Variants in AK2 observed in about 807,000 individuals in gnomAD.
AK2 encodes adenylate kinase 2, mitochondrial.
Under a neutral mutation model 24.6 loss-of-function variants are expected in AK2, and 15 were observed. The ratio of observed to expected loss-of-function variants is 0.61; its 90% CI spans 0.41 to 0.94. The LOEUF is 0.94. AK2 is among the 40% of genes least tolerant of loss of function. The probability of loss-of-function intolerance (pLI) is 0.00; values close to 1 mark genes in which losing one functional copy is unlikely to be tolerated. For synonymous variants in AK2, 102 were observed against 114.0 expected, an observed-to-expected ratio of 0.90 and a Z score of 0.67; for missense variants, 257 against 304.1, an observed-to-expected ratio of 0.85 and a Z score of 1.15.
At position 33,012,685 on chromosome 1, in the gene AK2, C is replaced by T. The variant is rs1439595821; in HGVS notation, c.*496G>A. 2 of 1,236,430 alleles carry T rather than the reference C, an allele frequency of 1.6e-6. No homozygotes were observed. Among genetic ancestry groups the T allele is most frequent in the Non-Finnish European group, 1.1e-6 (1 of 943,184 alleles). The allele number at this position is 1,236,430 out of a possible 1,614,324, so 76.6% of individuals were successfully genotyped here. A position where few individuals can be genotyped will look rare whatever the true frequency, so the allele number is the denominator to read the frequency against. ...GCCAAGGTGGGTGGATTGCTTAAGC[C>T]TAGGAGTTCAAGACCAGCCTGGGCA... On this transcript the variant is annotated 3_prime_UTR_variant, in exon 6 of 6. Transcript: ENST00000672715.
chr1:33,014,519 T>C lies in AK2; in HGVS notation c.498+3A>G, dbSNP rs1422292514. On this transcript the variant is annotated splice_donor_region_variant and intron_variant, in intron 5 of 5. Coordinates refer to ENST00000672715, the MANE Select transcript of AK2 (RefSeq NM_001625.4). Reference sequence around the variant, plus strand: ...GGAAATTTTTTGTCCTGAGTTTACATACGTCATCTTTCATGGGCTCTTTTG... The same window carrying C: ...GGAAATTTTTTGTCCTGAGTTTACACACGTCATCTTTCATGGGCTCTTTTG... 5 of 1,611,310 alleles carry C rather than the reference T, an allele frequency of 3.1e-6. No homozygotes were observed. The South Asian group carries it at 4.4e-5, about 14-fold the overall frequency.
Position 33,011,092 on chromosome 1 carries a change from T to C in AK2, c.*2089A>G. ...TTATGGGCAGCCCAAATATTACTTG[T>C]ACATGTTGTATGCACACGTGAATCT... On this transcript the variant is annotated 3_prime_UTR_variant, in exon 6 of 6. Transcript: ENST00000672715. 7.0e-7 allele frequency: 1 copy of C among 1,438,468 alleles called. No individual in the cohort carries two copies. The highest frequency in any genetic ancestry group is 9.1e-7 in the Non-Finnish European group (1 of 1,101,520). The allele number at this position is 1,438,468 out of a possible 1,614,324, so 89.1% of individuals were successfully genotyped here.
At chr1:33,021,320 G>C (rs763106793) in intron 4 of AK2, 47 bp downstream of exon 4, 38 of 1,503,466 alleles carry the variant, frequency 2.5e-5, no homozygotes, top group Non-Finnish European at 3.5e-5. Context: ...CTCAGAGTTT[G>C]AGAAAGCTCT....
intron 1 of AK2, among the ~76,000 whole-genome samples, chr1:33,025,639 C>T (rs1400281024): frequency 1.3e-5 from 2 of 152,220 alleles, no homozygotes; most frequent in African/African-American, 2.4e-5. Context: ...GAGAGTTAAA[C>T]TGCTGGTTTG....
intron 1 of AK2, among the ~76,000 whole-genome samples, chr1:33,035,213 C>G (rs541081592): frequency 6.6e-6 from 1 of 152,194 alleles, no homozygotes; most frequent in African/African-American, 2.4e-5. Flanking sequence ...GGATCAGGTA[C>G]AGGTAAGCTC....
intron 2 of AK2, 38 bp downstream of exon 2, chr1:33,024,404 T>C (rs1416974039): frequency 1.2e-6 from 2 of 1,612,276 alleles, no homozygotes; most frequent in African/African-American, 2.7e-5. Context: ...ATCTAGATTC[T>C]GAGGAATATC....
At chr1:33,025,188 C>CAAAAAA (rs386366656) in intron 1 of AK2, among the ~76,000 whole-genome samples, 11 of 68,350 alleles carry the variant, frequency 1.6e-4, no homozygotes, top group South Asian at 5.1e-4. Flanking sequence ...GACTTCGTCT[C>CAAAAAA]AAAAAAAAAA....
In AK2 at chr1:33,009,549, A is replaced by C. The variant is rs1638671866; in HGVS notation, c.*3632T>G. On this transcript the variant is annotated 3_prime_UTR_variant, in exon 6 of 6. Transcript: ENST00000672715. ...CTGTTGCATGCCAGGTACTGAGCAA[A>C]AACCTTCTTCCTATAAATTTCATTT... The C allele has an allele frequency of 2.2e-6, 1 of 454,020 alleles. No individual in the cohort carries two copies. Among genetic ancestry groups the C allele is most frequent in the Admixed American group, 2.3e-5 (1 of 42,556 alleles). The allele number at this position is 454,020 out of a possible 1,614,324, so 28.1% of individuals were successfully genotyped here. A position where few individuals can be genotyped will look rare whatever the true frequency, so the allele number is the denominator to read the frequency against.
In AK2 at chr1:33,013,118, T is replaced by C. The variant is rs1160691665; in HGVS notation, c.*63A>G. ...TAGCCTGAGGAAGCTTCTCTTTGCC[T>C]GTCCTATCATTCCCACCCATTGCCT... On this transcript the variant is annotated 3_prime_UTR_variant, in exon 6 of 6. Coordinates refer to ENST00000672715, the MANE Select transcript of AK2 (RefSeq NM_001625.4). 1 of 1,613,566 alleles carries C rather than the reference T, an allele frequency of 6.2e-7. No homozygotes were observed. The highest frequency in any genetic ancestry group is 2.2e-5 in the East Asian group (1 of 44,888).
chr1:33,016,694 T>C (rs1401775489), intron 4 of AK2, among the ~76,000 whole-genome samples: 2 of 151,760 alleles, frequency 1.3e-5, no homozygotes, highest in Non-Finnish European at 2.9e-5. Context: ...TTTTATTTAA[T>C]TAATTTATTT....
chr1:33,011,884 T>C lies in AK2; in HGVS notation c.*1297A>G. The C allele has an allele frequency of 2.0e-6, 3 of 1,529,242 alleles. No individual in the cohort carries two copies. The highest frequency in any genetic ancestry group is 2.6e-6 in the Non-Finnish European group (3 of 1,144,474). The allele number at this position is 1,529,242 out of a possible 1,614,324, so 94.7% of individuals were successfully genotyped here. A position where few individuals can be genotyped will look rare whatever the true frequency, so the allele number is the denominator to read the frequency against. On this transcript the variant is annotated 3_prime_UTR_variant, in exon 6 of 6. Coordinates refer to ENST00000672715, the MANE Select transcript of AK2 (RefSeq NM_001625.4). ...GCTATAGCCATCATAAAATTAGGGG[T>C]GAAGGGTTGGATCTAGAAAGGAGAG... is the stretch of plus-strand genomic sequence containing the variant.
Position 33,010,585 on chromosome 1 carries a change from C to T in AK2, c.*2596G>A. 1 of 1,004,070 alleles carries T rather than the reference C, an allele frequency of 1.0e-6. No homozygotes were observed. Among genetic ancestry groups the T allele is most frequent in the Non-Finnish European group, 1.5e-6 (1 of 662,936 alleles). 62.2% of individuals were successfully genotyped at this position (1,004,070 alleles called of 1,614,324 possible). A position where few individuals can be genotyped will look rare whatever the true frequency, so the allele number is the denominator to read the frequency against. On this transcript the variant is annotated 3_prime_UTR_variant, in exon 6 of 6. Transcript: ENST00000672715. ...TTGTGTCTATTTCTACCCCCACCCTCCAAGCATGGTGTTTTTTAAAAAATT... is the reference window on the plus strand; with the variant it reads ...TTGTGTCTATTTCTACCCCCACCCTTCAAGCATGGTGTTTTTTAAAAAATT...
rs1639539588 is a variant in AK2, at chr1:33,021,348, A to G, written c.425+19T>C. The G allele has an allele frequency of 6.2e-7, 1 of 1,605,494 alleles. No individual in the cohort carries two copies. The highest frequency in any genetic ancestry group is 1.3e-5 in the African/African-American group (1 of 74,748). On this transcript the variant is annotated intron_variant, in intron 4 of 5. Transcript: ENST00000672715. ...AAAGCTCTGAGAAGCATGAAAAGGGACCTTCAAGGGACAAATACCTTCCTG... is the reference window on the plus strand; with the variant it reads ...AAAGCTCTGAGAAGCATGAAAAGGGGCCTTCAAGGGACAAATACCTTCCTG...
chr1:33,033,508 A>C (rs946544476), intron 1 of AK2, among the ~76,000 whole-genome samples: 13 of 152,374 alleles, frequency 8.5e-5, no homozygotes, highest in Non-Finnish European at 1.8e-4. Flanking sequence ...GTCTGTAAAA[A>C]AATAAATAAA....
chr1:33,030,237 T>C lies in AK2; in HGVS notation c.94-5670A>G, dbSNP rs530676147. Among the ~76,000 whole-genome samples the C allele has an allele frequency of 2.6e-5, 4 of 152,302 alleles. No individual in the cohort carries two copies. The East Asian group carries it at 7.7e-4, about 29-fold the overall frequency. ...TCTGCTCCAATATTGGTCTAAGCCT[T>C]TTCTGTAGTATACTTCTGAGTACAT... On this transcript the variant is annotated intron_variant, in intron 1 of 5. Transcript: ENST00000672715.
chr1:33,016,891 G>A (rs1569605860), intron 4 of AK2, among the ~76,000 whole-genome samples: 1 of 151,778 alleles, frequency 6.6e-6, no homozygotes, highest in South Asian at 2.1e-4. Context: ...ATTTTTAGTA[G>A]AGACGGGGTT....
rs902015102 is a variant in AK2, at chr1:33,011,727, A to G, written c.*1454T>C. ...TTACTTCATCTGTTTGCCACAAATC[A>G]AACCAGAGACCAAAAGACAGCAGGG... On this transcript the variant is annotated 3_prime_UTR_variant, in exon 6 of 6. Transcript: ENST00000672715. 2 of 1,349,208 alleles carry G rather than the reference A, an allele frequency of 1.5e-6. No individual in the cohort carries two copies. The highest frequency in any genetic ancestry group is 2.9e-5 in the African/African-American group (2 of 68,342). The allele number at this position is 1,349,208 out of a possible 1,614,324, so 83.6% of individuals were successfully genotyped here.
At chr1:33,030,688 A>G (rs1640185184) in intron 1 of AK2, among the ~76,000 whole-genome samples, 1 of 152,244 alleles carries the variant, frequency 6.6e-6, no homozygotes, top group South Asian at 2.1e-4. Context: ...TGTATAATAC[A>G]TAATAAACCC....
chr1:33,013,156 A>C lies in AK2; in HGVS notation c.*25T>G, dbSNP rs1355157849. ...CCACCCATTGCCTCACAGGGATGGA[A>C]AGAAATTCCTTCTTGGACCCAACAT... On this transcript the variant is annotated 3_prime_UTR_variant, in exon 6 of 6. Transcript: ENST00000672715. 1 of 1,614,134 alleles carries C rather than the reference A, an allele frequency of 6.2e-7. No homozygotes were observed. The highest frequency in any genetic ancestry group is 1.7e-5 in the Admixed American group (1 of 60,032).
Sources: gnomAD v4.1 joint callset for allele counts (sites outside exome capture counted in the v4.1 genomes callset) on GRCh38, gnomAD v4.1.1 for gene constraint, MANE v1.5 for transcripts, NCBI Gene and HGNC (gene_info 2026-07-23, HGNC 2026-07-21) for gene names.